Variants in WBP2NL observed in about 807,000 individuals in gnomAD.
The protein encoded by WBP2NL is WBP2 N-terminal like.
A neutral mutation model predicts 23.3 loss-of-function variants in WBP2NL; 27 were observed. The ratio of observed to expected loss-of-function variants is 1.16; its 90% CI spans 0.85 to 1.60. The LOEUF is 1.60. Ranked by LOEUF, WBP2NL falls within the 40% of genes most tolerant of loss-of-function variation. WBP2NL has a pLI of 0.00. For missense variants in WBP2NL, 370 were observed against 389.5 expected (o/e 0.95, Z 0.42); for synonymous variants, 151 against 145.9 (o/e 1.03, Z -0.25).
intron 8 of WBP2NL, among the ~76,000 whole-genome samples, chr22:42,054,081 T>C (rs1273442554): frequency 6.6e-6 from 1 of 152,194 alleles, no homozygotes; most frequent in Non-Finnish European, 1.5e-5. Flanking sequence ...TGTATGCGAC[T>C]GTGCGGGGCC....
In WBP2NL at chr22:42,022,354, C is replaced by G. The variant is rs1924057852; in HGVS notation, c.512C>G (p.Ser171Ter). 1 of 1,610,338 alleles carries G rather than the reference C, an allele frequency of 6.2e-7. No homozygotes were observed. The highest frequency in any genetic ancestry group is 1.1e-5 in the South Asian group (1 of 90,526). ...GNMCTPQMPCSVIVYGAPPAG... is the reference protein window; with the variant it reads ...GNMCTPQMPC ...ATGTGCACTCCACAGATGCCTTGTT[C>G]AGGTAAGGTATGGCAGAGAGGTTCT... is the stretch of plus-strand genomic sequence containing the variant. Residue 171 changes from serine (S) to a stop codon, truncating the protein, a stop_gained and splice_region_variant, in exon 5 of 6, where the codon TCA becomes TGA. Transcript: ENST00000328823. LOFTEE classifies it low-confidence loss of function (END_TRUNC).
At chr22:42,039,784 C>G (rs1464088840) in intron 8 of WBP2NL, among the ~76,000 whole-genome samples, 1 of 151,872 alleles carries the variant, frequency 6.6e-6, no homozygotes, top group East Asian at 1.9e-4. Flanking sequence ...TTTAAAAAGC[C>G]AACTTAGTTT....
intron 1 of WBP2NL, among the ~76,000 whole-genome samples, chr22:42,014,303 A>G (rs931749664): frequency 1.8e-4 from 27 of 151,960 alleles, no homozygotes; most frequent in Non-Finnish European, 2.9e-5. Context: ...GTGGCTCACT[A>G]CAGCCTTGAC....
chr22:42,020,864 GTGTGTA>G (rs71184858), intron 4 of WBP2NL, among the ~76,000 whole-genome samples: 189 of 35,010 alleles, frequency 5.4e-3, no homozygotes, highest in East Asian at 0.044. Flanking sequence ...GTGTGTGTGT[GTGTGTA>G]TATATATATA....
downstream of WBP2NL, among the ~76,000 whole-genome samples, chr22:42,029,203 A>AGCACTTT (rs973269962): frequency 6.6e-6 from 1 of 151,150 alleles, no homozygotes; most frequent in African/African-American, 2.4e-5. Context: ...CTGTAATCCC[A>AGCACTTT]GCACTTTGCA....
At chr22:42,019,464 G>A (rs1295112895) in intron 2 of WBP2NL, 45 bp downstream of exon 2, 1 of 1,585,904 alleles carries the variant, frequency 6.3e-7, no homozygotes, top group East Asian at 2.2e-5. Flanking sequence ...CTCTACATTT[G>A]TTTTCCTTGA....
At chr22:42,035,716 G>C (rs1052437958), downstream of WBP2NL, among the ~76,000 whole-genome samples, 16 of 152,058 alleles carry the variant, frequency 1.1e-4, no homozygotes, top group African/African-American at 3.4e-4. Flanking sequence ...GAATGTTTTT[G>C]TGAAACATTG....
chr22:42,033,235 G>C (rs1278929997), downstream of WBP2NL, among the ~76,000 whole-genome samples: 1 of 152,154 alleles, frequency 6.6e-6, no homozygotes, highest in African/African-American at 2.4e-5. Context: ...GCTGCAGCTG[G>C]ACCAGTCGCA....
intron 4 of WBP2NL, 40 bp downstream of exon 4, chr22:42,020,136 TTTTG>T (rs562763388): frequency 7.9e-5 from 123 of 1,563,482 alleles, no homozygotes; most frequent in Middle Eastern, 3.4e-4. Flanking sequence ...CTTTGGGGTT[TTTTG>T]TTTGTTTGTT....
chr22:42,019,801 A>G lies in WBP2NL; in HGVS notation c.311A>G (p.Tyr104Cys), dbSNP rs921230633. Residue 104 changes from tyrosine (Y) to cysteine (C), a missense_variant and splice_region_variant, in exon 3 of 6, where the codon TAT becomes TGT. Transcript: ENST00000328823. Reference sequence around the variant, plus strand: ...AAGGGAACTATTCAGGCAGCTCCATATGGTAAGTGTTCCCTCAGAAGTGTG... The same window carrying G: ...AAGGGAACTATTCAGGCAGCTCCATGTGGTAAGTGTTCCCTCAGAAGTGTG... ...FIKGTIQAAP[Y>C]GGWEGQATFK... 6.2e-6 allele frequency: 10 copies of G among 1,614,028 alleles called. No homozygotes were observed. Among genetic ancestry groups the G allele is most frequent in the African/African-American group, 5.3e-5 (4 of 74,930 alleles).
At chr22:41,999,459 C>A (rs987328505) in intron 1 of WBP2NL, among the ~76,000 whole-genome samples, 2 of 152,162 alleles carry the variant, frequency 1.3e-5, no homozygotes, top group African/African-American at 4.8e-5. Context: ...TTGCTCCAAC[C>A]AGGGAGATGT....
downstream of WBP2NL, among the ~76,000 whole-genome samples, chr22:42,036,449 C>T (rs978445124): frequency 4.6e-5 from 7 of 152,190 alleles, no homozygotes; most frequent in South Asian, 2.1e-4. Context: ...GCTGGGATTA[C>T]GGGCGTGAGC....
chr22:42,056,411 CAA>C (rs527904618), intron 8 of WBP2NL, among the ~76,000 whole-genome samples: 25 of 152,042 alleles, frequency 1.6e-4, no homozygotes, highest in Non-Finnish European at 3.1e-4. Context: ...CAGATGGGGA[CAA>C]AAAATGAGTT....
chr22:42,026,223 G>C (rs58418565), intron 5 of WBP2NL, among the ~76,000 whole-genome samples: 7,280 of 151,146 alleles, frequency 0.048, 610 homozygotes, highest in African/African-American at 0.17. Context: ...AGTGAGCCAA[G>C]ATCGCGCCAC....
intron 5 of WBP2NL, among the ~76,000 whole-genome samples, chr22:42,023,207 CAG>C (rs973483634): frequency 4.3e-4 from 64 of 149,750 alleles, no homozygotes; most frequent in African/African-American, 1.6e-3. Context: ...TTTTTGGAGA[CAG>C]AGTCTCACTT....
At chr22:42,034,349 GAGACATCA>G (rs1925100141), downstream of WBP2NL, among the ~76,000 whole-genome samples, 1 of 152,210 alleles carries the variant, frequency 6.6e-6, no homozygotes, top group Non-Finnish European at 1.5e-5. Flanking sequence ...GCATCCGGGG[GAGACATCA>G]CACGTTGGTA....
intron 8 of WBP2NL, among the ~76,000 whole-genome samples, chr22:42,044,615 C>G (rs570710551): frequency 1.4e-4 from 21 of 152,122 alleles, no homozygotes; most frequent in Non-Finnish European, 2.4e-4. Context: ...CTAGCCTGGG[C>G]AACGAGGGGA....
intron 1 of WBP2NL, among the ~76,000 whole-genome samples, chr22:42,014,075 C>A (rs1437583189): frequency 6.6e-6 from 1 of 151,900 alleles, no homozygotes; most frequent in Non-Finnish European, 1.5e-5. Context: ...AGCCACCGCA[C>A]CCCACCGGCA....
At position 42,027,022 on chromosome 22, in the gene WBP2NL, C is replaced by T. The variant is rs769982167; in HGVS notation, c.771C>T (p.Leu257=). The change falls in exon 6 of 6, where the codon CTC becomes CTT. Residue 257 remains leucine, a synonymous_variant. Coordinates refer to ENST00000328823, the MANE Select transcript of WBP2NL (RefSeq NM_152613.3). ...TPPLGYGAPP[L]GYGAPPAGNE... ...CTCTCGGATATGGAGCCCCACCTCT[C>T]GGATATGGAGCCCCACCTGCAGGAA... 5 of 1,605,530 alleles carry T rather than the reference C, an allele frequency of 3.1e-6. No homozygotes were observed. The highest frequency in any genetic ancestry group is 1.7e-5 in the Admixed American group (1 of 59,230).
Sources: gnomAD v4.1 joint callset for allele counts (sites outside exome capture counted in the v4.1 genomes callset) on GRCh38, gnomAD v4.1.1 for gene constraint, MANE v1.5 for transcripts, NCBI Gene and HGNC (gene_info 2026-07-23, HGNC 2026-07-21) for gene names.